Variants in PRSS23 observed in about 807,000 individuals in gnomAD.
PRSS23 encodes protease, serine 23.
A neutral mutation model predicts 34.7 loss-of-function variants in PRSS23; 25 were observed. The observed-to-expected ratio is 0.72, with a 90% CI of 0.53 to 1.01. The LOEUF (loss-of-function observed/expected upper bound fraction) is 1.01. Among genes scored for constraint, PRSS23 ranks in the 50% least tolerant of loss-of-function variants. The pLI, the probability that PRSS23 is intolerant of heterozygous loss-of-function variation, is 0.00. For synonymous variants in PRSS23, 176 were observed against 186.6 expected, an observed-to-expected ratio of 0.94 and a Z score of 0.46; for missense variants, 445 against 475.6, an observed-to-expected ratio of 0.94 and a Z score of 0.60.
chr11:86,910,652 G>A (rs1199997272), intron 2 of PRSS23: 4 of 152,158 alleles, frequency 2.6e-5, no homozygotes, highest in South Asian at 2.1e-4. Context: ...TGAAGTGCCC[G>A]CTTTTGGCAT....
intron 1 of PRSS23, among the ~76,000 whole-genome samples, chr11:86,816,445 T>C (rs1432117506): frequency 6.6e-6 from 1 of 152,226 alleles, no homozygotes; most frequent in Non-Finnish European, 1.5e-5. Context: ...TACAATGGAA[T>C]TGCCACTTTG....
intron 2 of PRSS23, among the ~76,000 whole-genome samples, chr11:86,854,896 G>T (rs1948556966): frequency 6.6e-6 from 1 of 152,206 alleles, no homozygotes; most frequent in Admixed American, 6.5e-5. Flanking sequence ...GCCAGGTGCG[G>T]TTGCTCACGC....
chr11:86,870,785 AC>A (rs1948679716), intron 2 of PRSS23, among the ~76,000 whole-genome samples: 1 of 152,136 alleles, frequency 6.6e-6, no homozygotes, highest in Non-Finnish European at 1.5e-5. Context: ...CTTCTCTTTA[AC>A]CCATCCAGTA....
downstream of PRSS23, among the ~76,000 whole-genome samples, chr11:86,811,715 G>A (rs1238475756): frequency 2.0e-5 from 3 of 152,038 alleles, no homozygotes; most frequent in Non-Finnish European, 4.4e-5. Flanking sequence ...TGGGGAGATG[G>A]GAAGTACCTG....
chr11:86,842,338 C>A (rs1388739347), intron 2 of PRSS23, among the ~76,000 whole-genome samples: 1 of 152,190 alleles, frequency 6.6e-6, no homozygotes, highest in Non-Finnish European at 1.5e-5. Context: ...ACTGAATGGG[C>A]AACAACTGGA....
At chr11:86,854,950 G>A (rs1209792716) in intron 2 of PRSS23, among the ~76,000 whole-genome samples, 2 of 152,178 alleles carry the variant, frequency 1.3e-5, no homozygotes, top group Non-Finnish European at 2.9e-5. Context: ...GCGGTCACCT[G>A]AGGTCGGAAG....
chr11:86,836,524 A>G (rs1017806145), intron 2 of PRSS23, among the ~76,000 whole-genome samples: 1 of 152,190 alleles, frequency 6.6e-6, no homozygotes, highest in Non-Finnish European at 1.5e-5. Context: ...TTGCTAGAAT[A>G]TCTCTCCCTA....
chr11:86,881,517 A>G (rs755512042), intron 2 of PRSS23, among the ~76,000 whole-genome samples: 2 of 151,974 alleles, frequency 1.3e-5, no homozygotes, highest in Non-Finnish European at 2.9e-5. Flanking sequence ...TTTGTTGAAG[A>G]TTTTGCACCT....
At chr11:86,835,105 C>G (rs1948394586) in intron 2 of PRSS23, among the ~76,000 whole-genome samples, 1 of 152,208 alleles carries the variant, frequency 6.6e-6, no homozygotes, top group African/African-American at 2.4e-5. Flanking sequence ...AAGAGTTGCA[C>G]AAGTGTGCAG....
chr11:86,818,892 A>C (rs568672326), intron 1 of PRSS23, among the ~76,000 whole-genome samples: 1 of 152,216 alleles, frequency 6.6e-6, no homozygotes, highest in African/African-American at 2.4e-5. Context: ...CCTTCTTTCA[A>C]GTTTGTTCTC....
chr11:86,906,501 G>GC (rs1948944019), intron 2 of PRSS23, among the ~76,000 whole-genome samples: 1 of 152,222 alleles, frequency 6.6e-6, no homozygotes, highest in Admixed American at 6.5e-5. Context: ...CCGCGAGGTT[G>GC]CCCCCCATCT....
At chr11:86,837,375 C>T (rs1169518803) in intron 2 of PRSS23, 1 of 152,204 alleles carries the variant, frequency 6.6e-6, no homozygotes, top group Non-Finnish European at 1.5e-5. Context: ...TGACTTTTCT[C>T]CTTCAAGAGA....
intron 1 of PRSS23, among the ~76,000 whole-genome samples, chr11:86,818,704 C>T (rs1948232325): frequency 6.6e-6 from 1 of 152,170 alleles, no homozygotes; most frequent in Non-Finnish European, 1.5e-5. Flanking sequence ...TTCCCAGATG[C>T]TCATCGGCAA....
In PRSS23 at chr11:86,835,841, T is replaced by C. The variant is rs189973937; in HGVS notation, c.206+12248T>C. Among the ~76,000 whole-genome samples, 273 of 152,256 alleles carry C rather than the reference T, an allele frequency of 1.8e-3. 1 individual carries two copies. The highest frequency in any genetic ancestry group is 3.2e-3 in the Non-Finnish European group (215 of 68,024). On this transcript the variant is annotated intron_variant, in intron 2 of 2. Coordinates refer to the PRSS23 transcript ENST00000533902. Reference sequence around the variant, plus strand: ...GCTTGGGTGGCTTGATGGCACAAGGTTTCTGAACGGGCAGCTAAAAGTAAA... The same window carrying C: ...GCTTGGGTGGCTTGATGGCACAAGGCTTCTGAACGGGCAGCTAAAAGTAAA...
At chr11:86,932,077 A>G (rs1949129901) in intron 2 of PRSS23, among the ~76,000 whole-genome samples, 1 of 152,152 alleles carries the variant, frequency 6.6e-6, no homozygotes, top group South Asian at 2.1e-4. Flanking sequence ...GACTTCCAAA[A>G]TTGCCCCCGA....
intron 2 of PRSS23, among the ~76,000 whole-genome samples, chr11:86,885,127 G>C (rs577616881): frequency 3.3e-5 from 5 of 152,024 alleles, no homozygotes; most frequent in African/African-American, 9.7e-5. Context: ...ATAAGTATTC[G>C]GTGATTAAAT....
rs1407920557 is a variant in PRSS23, at chr11:86,810,099, T to A, written c.*1304T>A. On this transcript the variant is annotated 3_prime_UTR_variant, in exon 2 of 2. Transcript: ENST00000280258. ...AATGGATCAGAATCATGCCTTCCAA[T>A]AAAGGCCTTTACACATGTTTTATCA... The A allele has an allele frequency of 1.2e-5, 2 of 165,708 alleles. No homozygotes were observed. Among genetic ancestry groups the A allele is most frequent in the Non-Finnish European group, 2.9e-5 (2 of 68,116 alleles). 10.3% of individuals were successfully genotyped at this position (165,708 alleles called of 1,614,324 possible).
At chr11:86,838,858 G>A (rs773484579) in intron 2 of PRSS23, among the ~76,000 whole-genome samples, 2 of 152,148 alleles carry the variant, frequency 1.3e-5, no homozygotes, top group African/African-American at 2.4e-5. Flanking sequence ...TCGACCTCCA[G>A]TAAACTCCAA....
intron 2 of PRSS23, among the ~76,000 whole-genome samples, chr11:86,879,123 C>T (rs1485475285): frequency 1.3e-5 from 2 of 148,960 alleles, no homozygotes; most frequent in East Asian, 2.0e-4. Context: ...GCCGCCATCC[C>T]GTCTAGGAAG....
Sources: gnomAD v4.1 joint callset for allele counts (sites outside exome capture counted in the v4.1 genomes callset) on GRCh38, gnomAD v4.1.1 for gene constraint, MANE v1.5 for transcripts, NCBI Gene and HGNC (gene_info 2026-07-23, HGNC 2026-07-21) for gene names.